The following ERCC8 variants were observed in gnomAD, a reference collection of about 807,000 sequenced individuals.
ERCC8 encodes ERCC excision repair 8, CSA ubiquitin ligase complex subunit.
ERCC8 carries 52 observed loss-of-function variants against 54.9 expected under a neutral mutation model. The ratio of observed to expected loss-of-function variants is 0.95; its 90% CI spans 0.76 to 1.19. The LOEUF (loss-of-function observed/expected upper bound fraction) is 1.19, where lower values mean the gene tolerates loss of function less well. Ranked by LOEUF, ERCC8 falls within the 50% of genes most tolerant of loss-of-function variation. The pLI is 0.00. For missense variants in ERCC8, 514 were observed against 466.1 expected (o/e 1.10, Z -0.95); for synonymous variants, 146 against 157.2 (o/e 0.93, Z 0.53).
At chr5:60,943,443 A>G (rs1367973992) in intron 1 of ERCC8, among the ~76,000 whole-genome samples, 1 of 152,192 alleles carries the variant, frequency 6.6e-6, no homozygotes. Flanking sequence ...CATAAATAAC[A>G]TATGAATCAA....
At chr5:60,919,491 G>A (rs1749539888) in intron 3 of ERCC8, 1 of 151,974 alleles carries the variant, frequency 6.6e-6, no homozygotes, top group Non-Finnish European at 1.5e-5. Context: ...CTATCTGAAG[G>A]AATGAGAACA....
At chr5:60,893,135 C>T in intron 9 of ERCC8, 2 of 812,072 alleles carry the variant, frequency 2.5e-6, no homozygotes, top group Non-Finnish European at 4.4e-6. Context: ...TAGCCTCCCC[C>T]ATTTGGAAGC....
chr5:60,909,202 G>C (rs1444612940), intron 4 of ERCC8, among the ~76,000 whole-genome samples: 1 of 109,736 alleles, frequency 9.1e-6, no homozygotes, highest in East Asian at 3.1e-4. Context: ...AAGGATATCT[G>C]CCTGAACAAG....
intron 9 of ERCC8, among the ~76,000 whole-genome samples, chr5:60,893,984 CTTTTT>C (rs35254362): frequency 1.8e-5 from 2 of 109,872 alleles, no homozygotes; most frequent in Non-Finnish European, 1.9e-5. Flanking sequence ...GGGAATTTAT[CTTTTT>C]TTTTTTTTTT....
At chr5:60,899,782 C>A in intron 7 of ERCC8, 55 bp from the exon 8 acceptor site, 1 of 1,243,460 alleles carries the variant, frequency 8.0e-7, no homozygotes, top group Non-Finnish European at 1.2e-6. Flanking sequence ...TGACTGTACC[C>A]CTCACCCACC....
intron 4 of ERCC8, among the ~76,000 whole-genome samples, chr5:60,908,270 T>C (rs1200412692): frequency 6.6e-6 from 1 of 152,044 alleles, no homozygotes; most frequent in Admixed American, 6.5e-5. Context: ...AGGTTGAGCA[T>C]TACAAATCTA....
At chr5:60,891,551 A>G (rs1177759443) in intron 9 of ERCC8, among the ~76,000 whole-genome samples, 1 of 151,880 alleles carries the variant, frequency 6.6e-6, no homozygotes, top group African/African-American at 2.4e-5. Flanking sequence ...TTTTCAAAAG[A>G]CTACCCCACC....
chr5:60,900,445 A>G (rs4647114), intron 7 of ERCC8, among the ~76,000 whole-genome samples: 2 of 151,974 alleles, frequency 1.3e-5, no homozygotes, highest in South Asian at 2.1e-4. Flanking sequence ...ATGTCCTCAC[A>G]AGGACCTCAA....
At chr5:60,931,113 C>T (rs200202569) in intron 1 of ERCC8, among the ~76,000 whole-genome samples, 1 of 149,630 alleles carries the variant, frequency 6.7e-6, no homozygotes, top group East Asian at 1.9e-4. Flanking sequence ...AAGCAAGACT[C>T]CGTCTCAAAA....
intron 11 of ERCC8, among the ~76,000 whole-genome samples, chr5:60,878,022 T>C (rs1268403303): frequency 6.6e-6 from 1 of 152,154 alleles, no homozygotes; most frequent in African/African-American, 2.4e-5. Flanking sequence ...CATAGATAGC[T>C]CTTGTTATTT....
At chr5:60,888,462 T>C (rs1007014715) in intron 10 of ERCC8, among the ~76,000 whole-genome samples, 1 of 152,202 alleles carries the variant, frequency 6.6e-6, no homozygotes, top group Non-Finnish European at 1.5e-5. Flanking sequence ...ATGCGCAAGA[T>C]AACTTGGTCA....
intron 9 of ERCC8, chr5:60,893,353 C>A: frequency 1.2e-6 from 1 of 848,750 alleles, no homozygotes; most frequent in Non-Finnish European, 2.1e-6. Context: ...TCTTGATAGA[C>A]CTGCGTTTTT....
chr5:60,944,960 G>C lies in ERCC8; in HGVS notation c.49C>G (p.Arg17Gly). ...CGTGTTGACTCTGCTCTCCGAAGGC[G>C]AAGAGGGTCCTCCAAACCCGTTTGG... is the stretch of plus-strand genomic sequence containing the variant. The part of the protein sequence containing the change: ...ARQTGLEDPL[R>G]LRRAESTRRV... Residue 17 changes from arginine to glycine, a missense_variant, in exon 1 of 12, where the codon CGC becomes GGC. Arg to Gly is a moderately radical substitution (Grantham distance 125). Coordinates refer to ENST00000676185, the MANE Select transcript of ERCC8 (RefSeq NM_000082.4). 1.2e-6 allele frequency: 2 copies of C among 1,614,090 alleles called. No individual in the cohort carries two copies. Among genetic ancestry groups the C allele is most frequent in the Non-Finnish European group, 1.7e-6 (2 of 1,179,982 alleles).
At chr5:60,877,365 T>G (rs1165937248) in intron 11 of ERCC8, among the ~76,000 whole-genome samples, 1 of 152,214 alleles carries the variant, frequency 6.6e-6, no homozygotes, top group East Asian at 1.9e-4. Flanking sequence ...CAATGCGGGC[T>G]CTTTTTTGGT....
chr5:60,926,107 G>A (rs1206476213), intron 2 of ERCC8, among the ~76,000 whole-genome samples: 1 of 152,152 alleles, frequency 6.6e-6, no homozygotes, highest in Admixed American at 6.5e-5. Flanking sequence ...TTACAGGTGT[G>A]AGCCACTGCA....
intron 1 of ERCC8, among the ~76,000 whole-genome samples, chr5:60,930,939 T>G (rs1190980868): frequency 6.6e-6 from 1 of 152,014 alleles, no homozygotes; most frequent in East Asian, 1.9e-4. Flanking sequence ...AAACCCCGTC[T>G]CTACTAAAAA....
Position 60,902,472 on chromosome 5 carries a change from G to A in ERCC8, c.587C>T (p.Pro196Leu), listed in dbSNP as rs751942615. The change falls in exon 7 of 12, where the codon CCA becomes CTA. Residue 196 changes from proline to leucine, a missense_variant. By Grantham distance (98) the Pro-to-Leu change is moderately conservative (BLOSUM62 -3). Coordinates refer to ENST00000676185, the MANE Select transcript of ERCC8 (RefSeq NM_000082.4). ...TGTTGCCAAGATATAGTCATAACGTGGAGACCAGGAAACTGCTAATATTTC... is the reference window on the plus strand; with the variant it reads ...TGTTGCCAAGATATAGTCATAACGTAGAGACCAGGAAACTGCTAATATTTC... ...RQEILAVSWS[P>L]RYDYILATAS... The A allele has an allele frequency of 6.2e-6, 10 of 1,612,232 alleles. No homozygotes were observed. In the Admixed American group the frequency reaches 1.7e-4, roughly 27 times the overall value.
intron 10 of ERCC8, among the ~76,000 whole-genome samples, chr5:60,889,812 G>A (rs999978383): frequency 1.1e-4 from 17 of 152,248 alleles, no homozygotes; most frequent in South Asian, 2.1e-4. Flanking sequence ...GGCAAGTCAC[G>A]TCACCTCTCT....
chr5:60,926,888 C>G lies in ERCC8; in HGVS notation c.173+1976G>C, dbSNP rs368746106. ...TTTACAATAATGTCAGATGTTTTGA[C>G]TCTGTTAAAATGGCTTCCAAAAGCT... is the stretch of plus-strand genomic sequence containing the variant. On this transcript the variant is annotated intron_variant, in intron 2 of 11. Coordinates refer to ENST00000676185, the MANE Select transcript of ERCC8 (RefSeq NM_000082.4). Among the ~76,000 whole-genome samples the G allele has an allele frequency of 4.6e-5, 7 of 152,242 alleles. No homozygotes were observed. In the East Asian group the frequency reaches 1.3e-3, roughly 29 times the overall value.
Sources: gnomAD v4.1 joint callset for allele counts (sites outside exome capture counted in the v4.1 genomes callset) on GRCh38, gnomAD v4.1.1 for gene constraint, MANE v1.5 for transcripts, NCBI Gene and HGNC (gene_info 2026-07-23, HGNC 2026-07-21) for gene names.